ANKS1B: variants seen among roughly 807,000 people sequenced by gnomAD.
The protein encoded by ANKS1B is ankyrin repeat and sterile alpha motif domain containing 1B.
In ANKS1B, 36 loss-of-function variants were observed where a neutral mutation model predicts 148.3. The ratio of observed to expected loss-of-function variants is 0.24; its 90% CI spans 0.19 to 0.32. ANKS1B has a LOEUF of 0.32. ANKS1B is among the 10% of genes least tolerant of loss of function. ANKS1B has a pLI of 1.00. For missense variants in ANKS1B, 1,157 were observed against 1,542.6 expected (o/e 0.75, Z 4.19); for synonymous variants, 542 against 560.8 (o/e 0.97, Z 0.47).
At chr12:99,520,069 T>C (rs1244750497) in intron 9 of ANKS1B, among the ~76,000 whole-genome samples, 2 of 152,226 alleles carry the variant, frequency 1.3e-5, no homozygotes, top group African/African-American at 4.8e-5. Flanking sequence ...TGGCTCATTG[T>C]ATAATCTTTC....
intron 9 of ANKS1B, among the ~76,000 whole-genome samples, chr12:99,622,928 C>T (rs185449867): frequency 1.8e-4 from 28 of 152,020 alleles, no homozygotes; most frequent in African/African-American, 6.5e-4. Context: ...CAAAACCTGT[C>T]AAAGACACAA....
intron 19 of ANKS1B, among the ~76,000 whole-genome samples, chr12:98,821,856 C>A (rs184678590): frequency 7.2e-5 from 11 of 152,004 alleles, no homozygotes. Context: ...GATCCACCGG[C>A]CTCAGCCTCC....
At chr12:98,904,698 A>G (rs930867466) in intron 17 of ANKS1B, among the ~76,000 whole-genome samples, 1 of 152,212 alleles carries the variant, frequency 6.6e-6, no homozygotes, top group African/African-American at 2.4e-5. Context: ...GCCACAGGGG[A>G]TGGGAGTCTG....
At chr12:99,553,140 C>T (rs1162978993) in intron 9 of ANKS1B, among the ~76,000 whole-genome samples, 1 of 151,790 alleles carries the variant, frequency 6.6e-6, no homozygotes, top group African/African-American at 2.4e-5. Context: ...GTTGGAGCTT[C>T]AATGTAAAAT....
intron 9 of ANKS1B, among the ~76,000 whole-genome samples, chr12:99,612,641 A>T (rs2097912737): frequency 6.6e-6 from 1 of 152,024 alleles, no homozygotes; most frequent in Non-Finnish European, 1.5e-5. Flanking sequence ...ATTTAACTTT[A>T]TTTTTAGGAT....
At chr12:98,820,299 C>A (rs2099174462) in intron 19 of ANKS1B, among the ~76,000 whole-genome samples, 1 of 152,226 alleles carries the variant, frequency 6.6e-6, no homozygotes, top group Admixed American at 6.5e-5. Context: ...CACATAAATG[C>A]TCCATGCCTC....
intron 1 of ANKS1B, among the ~76,000 whole-genome samples, chr12:99,921,855 G>GA (rs1382611910): frequency 2.0e-5 from 3 of 151,916 alleles, no homozygotes; most frequent in Non-Finnish European, 4.4e-5. Context: ...ATAAAAATAT[G>GA]AAAAATATAA....
rs1236927884 is a variant in ANKS1B, at chr12:99,381,765, A to T, written c.1756+17866T>A. 3.3e-5 allele frequency among the ~76,000 whole-genome samples: 5 copies of T among 152,348 alleles called. No individual in the cohort carries two copies. In the East Asian group the frequency reaches 9.6e-4, roughly 29 times the overall value. On this transcript the variant is annotated intron_variant, in intron 12 of 26. Transcript: ENST00000683438. ...TGTGAAAGGTGGAAAACCGACTGCAACTAGAAGCAAAGAATGAAGAAGACC... is the reference window on the plus strand; with the variant it reads ...TGTGAAAGGTGGAAAACCGACTGCATCTAGAAGCAAAGAATGAAGAAGACC...
chr12:98,950,517 G>A (rs907316642), intron 17 of ANKS1B, among the ~76,000 whole-genome samples: 2 of 152,106 alleles, frequency 1.3e-5, no homozygotes, highest in East Asian at 3.9e-4. Flanking sequence ...AAGAAGAAAA[G>A]AAACAGCAGA....
intron 14 of ANKS1B, among the ~76,000 whole-genome samples, chr12:99,195,586 T>A (rs2153889696): frequency 6.6e-6 from 1 of 152,188 alleles, no homozygotes; most frequent in South Asian, 2.1e-4. Flanking sequence ...GGCAAATTTC[T>A]AAGGAGATCA....
At chr12:99,947,255 C>CAAAAAAAAAAAAAAAAA (rs58317609) in intron 1 of ANKS1B, among the ~76,000 whole-genome samples, 1 of 129,062 alleles carries the variant, frequency 7.7e-6, no homozygotes. Context: ...TAAAGTAATA[C>CAAAAAAAAAAAAAAAAA]AAAAAAAAAA....
At chr12:99,787,841 A>G (rs1362267966) in intron 4 of ANKS1B, among the ~76,000 whole-genome samples, 1 of 152,226 alleles carries the variant, frequency 6.6e-6, no homozygotes, top group African/African-American at 2.4e-5. Flanking sequence ...GTGACTGAGG[A>G]ACTTTACATT....
At chr12:99,925,126 A>G (rs827791) in intron 1 of ANKS1B, among the ~76,000 whole-genome samples, 144,058 of 152,170 alleles carry the variant, frequency 0.95, 68,251 homozygotes, top group East Asian at 1. Context: ...ATAAGACAAA[A>G]AAAATAAATT....
In ANKS1B at chr12:99,458,364, T is replaced by C. The variant is rs969436408; in HGVS notation, c.1439-14555A>G. The stretch of plus-strand genomic sequence containing the variant: ...AATCTAAAGTCATATCTCAAGAAGA[T>C]AGAGAGACAAGAACCAAACCCAAAT... On this transcript the variant is annotated intron_variant, in intron 10 of 26. Coordinates refer to ENST00000683438, the MANE Select transcript of ANKS1B (RefSeq NM_001352186.2). 4.2e-5 allele frequency among the ~76,000 whole-genome samples: 6 copies of C among 142,070 alleles called. No homozygotes were observed. The South Asian group carries it at 6.6e-4, about 16-fold the overall frequency. 93.2% of individuals were successfully genotyped at this position (142,070 alleles called of 152,430 possible).
chr12:99,390,315 G>C (rs1041494992), intron 12 of ANKS1B, among the ~76,000 whole-genome samples: 4 of 152,132 alleles, frequency 2.6e-5, no homozygotes, highest in African/African-American at 9.7e-5. Context: ...TTCCAGGGCT[G>C]GACAGGGTAC....
At chr12:98,752,271 T>C (rs1209223545) in intron 25 of ANKS1B, among the ~76,000 whole-genome samples, 1 of 151,950 alleles carries the variant, frequency 6.6e-6, no homozygotes, top group Non-Finnish European at 1.5e-5. Context: ...TTTCTTTTTT[T>C]TTTTTAGATG....
At chr12:98,881,276 C>T (rs546969784) in intron 17 of ANKS1B, among the ~76,000 whole-genome samples, 2 of 152,242 alleles carry the variant, frequency 1.3e-5, no homozygotes, top group Admixed American at 6.5e-5. Context: ...GTGGTTTACT[C>T]AAGACTATAG....
intron 26 of ANKS1B, among the ~76,000 whole-genome samples, chr12:98,746,353 G>T (rs1456414234): frequency 1.3e-5 from 2 of 152,010 alleles, no homozygotes; most frequent in African/African-American, 4.8e-5. Flanking sequence ...CTTCCTGCCC[G>T]CCAAGCCCAC....
intron 8 of ANKS1B, among the ~76,000 whole-genome samples, chr12:99,689,143 G>A (rs1196342613): frequency 2.0e-5 from 3 of 151,924 alleles, no homozygotes; most frequent in African/African-American, 7.2e-5. Flanking sequence ...TTGATATTTT[G>A]GTTTCTAGTT....
Sources: gnomAD v4.1 joint callset for allele counts (sites outside exome capture counted in the v4.1 genomes callset) on GRCh38, gnomAD v4.1.1 for gene constraint, MANE v1.5 for transcripts, NCBI Gene and HGNC (gene_info 2026-07-23, HGNC 2026-07-21) for gene names.